IQCH: variants seen among roughly 807,000 people sequenced by gnomAD.
The protein encoded by IQCH is IQ motif containing H.
IQCH carries 98 observed loss-of-function variants against 117.0 expected under a neutral mutation model. The observed-to-expected ratio is 0.84, with a 90% CI of 0.71 to 0.99. The LOEUF is 0.99. Among genes scored for constraint, IQCH ranks in the 50% least tolerant of loss-of-function variants. The pLI is 0.00. For missense variants in IQCH, 1,102 were observed against 1,243.8 expected, an observed-to-expected ratio of 0.89 and a Z score of 1.72; for synonymous variants, 412 against 448.2, an observed-to-expected ratio of 0.92 and a Z score of 1.02.
intron 6 of IQCH, among the ~76,000 whole-genome samples, chr15:67,351,499 T>C (rs1969661825): frequency 6.6e-6 from 1 of 152,234 alleles, no homozygotes; most frequent in Non-Finnish European, 1.5e-5. Context: ...CTACTGAGTA[T>C]GCACAAGCGT....
chr15:67,309,660 T>C (rs1279350578), intron 4 of IQCH, among the ~76,000 whole-genome samples: 4 of 151,926 alleles, frequency 2.6e-5, no homozygotes, highest in Non-Finnish European at 5.9e-5. Flanking sequence ...TGGATTCCTG[T>C]TGCAGCCTTG....
intron 5 of IQCH, among the ~76,000 whole-genome samples, chr15:67,338,053 T>A (rs1968972499): frequency 6.6e-6 from 1 of 152,248 alleles, no homozygotes; most frequent in African/African-American, 2.4e-5. Flanking sequence ...ATATGCTTTC[T>A]AGTTAGCTTA....
chr15:67,324,311 A>G, intron 4 of IQCH, among the ~76,000 whole-genome samples: 1 of 151,888 alleles, frequency 6.6e-6, no homozygotes. Context: ...TCCAAAAAAA[A>G]AAAAAAAGTC....
chr15:67,276,904 T>G (rs1372346593), intron 3 of IQCH, among the ~76,000 whole-genome samples: 1 of 152,228 alleles, frequency 6.6e-6, no homozygotes, highest in Non-Finnish European at 1.5e-5. Flanking sequence ...CCATTATTAC[T>G]CAAATATTTC....
At chr15:67,308,823 A>G (rs1489487779) in intron 4 of IQCH, among the ~76,000 whole-genome samples, 1 of 152,048 alleles carries the variant, frequency 6.6e-6, no homozygotes, top group Non-Finnish European at 1.5e-5. Flanking sequence ...TGTCTCACTA[A>G]AGCCCATTGC....
At chr15:67,278,538 T>G (rs974936682) in intron 3 of IQCH, among the ~76,000 whole-genome samples, 1 of 152,250 alleles carries the variant, frequency 6.6e-6, no homozygotes, top group Non-Finnish European at 1.5e-5. Context: ...TCTCTCCAGT[T>G]TTCAGGACAG....
intron 10 of IQCH, among the ~76,000 whole-genome samples, chr15:67,383,143 T>A (rs1180257590): frequency 6.6e-6 from 1 of 152,186 alleles, no homozygotes; most frequent in African/African-American, 2.4e-5. Context: ...TTTGGAAACA[T>A]CCATACCTTG....
In IQCH at chr15:67,500,931, T is replaced by C. The variant is rs2083964510; in HGVS notation, c.*185T>C. Reference sequence around the variant, plus strand: ...TTATTAAGTGATCTTATTTTATTTATTAAACCAAAACTTATTTGTGTTTTC... The same window carrying C: ...TTATTAAGTGATCTTATTTTATTTACTAAACCAAAACTTATTTGTGTTTTC... On this transcript the variant is annotated 3_prime_UTR_variant, in exon 21 of 21. Transcript: ENST00000335894. This position sits in a 1 kb window ranked among gnomAD's most constrained non-coding sequence, Gnocchi z 4.4. The C allele has an allele frequency of 1.5e-5, 6 of 389,550 alleles. No homozygotes were observed. Among genetic ancestry groups the C allele is most frequent in the Non-Finnish European group, 2.4e-5 (5 of 212,514 alleles). The allele number at this position is 389,550 out of a possible 1,614,324, so 24.1% of individuals were successfully genotyped here.
Position 67,500,321 on chromosome 15 carries a change from CA to C in IQCH, c.2971-308del, listed in dbSNP as rs1255825599. Among the ~76,000 whole-genome samples the C allele has an allele frequency of 1.1e-4, 17 of 151,626 alleles. No individual in the cohort carries two copies. Among genetic ancestry groups the C allele is most frequent in the African/African-American group, 3.6e-4 (15 of 41,230 alleles). On this transcript the variant is annotated intron_variant, in intron 20 of 20. Coordinates refer to ENST00000335894, the MANE Select transcript of IQCH (RefSeq NM_001031715.3). The surrounding 1 kb of genome is among the most constrained non-coding windows in gnomAD (Gnocchi z 4.4). ...GACTATCATGGATCAACATTTTTAA[CA>C]AAATAGAAGAAAATTTAATTACTAG... is the stretch of plus-strand genomic sequence containing the variant.
rs142543277 is a variant in IQCH, at chr15:67,318,984, T to C, written c.388-17991T>C. 1.8e-3 allele frequency among the ~76,000 whole-genome samples: 274 copies of C among 152,332 alleles called. 1 individual carries two copies. The highest frequency in any genetic ancestry group is 5.2e-3 in the Admixed American group (79 of 15,300). On this transcript the variant is annotated intron_variant, in intron 4 of 20. Transcript: ENST00000335894. Reference sequence around the variant, plus strand: ...GCTCACGCCTGTAATCCCAGCACTTTGGGAGGCCGAGGCAGGCAGTATCAC... The same window carrying C: ...GCTCACGCCTGTAATCCCAGCACTTCGGGAGGCCGAGGCAGGCAGTATCAC...
chr15:67,417,891 A>G lies in IQCH; in HGVS notation c.2218+840A>G, dbSNP rs1181542810. 2.6e-5 allele frequency among the ~76,000 whole-genome samples: 4 copies of G among 152,226 alleles called. No homozygotes were observed. The highest frequency in any genetic ancestry group is 2.6e-4 in the Admixed American group (4 of 15,284). On this transcript the variant is annotated intron_variant, in intron 15 of 20. Transcript: ENST00000335894. The surrounding 1 kb of genome is among the most constrained non-coding windows in gnomAD (Gnocchi z 4.3). ...TCAAGTGATAATAATAATCTCAGCA[A>G]TAATCAATAATGATAAGATAATGTC... is the stretch of plus-strand genomic sequence containing the variant.
In IQCH at chr15:67,459,482, G is replaced by A. The variant is rs772732796; in HGVS notation, c.2506-5645G>A. On this transcript the variant is annotated intron_variant, in intron 16 of 20. Transcript: ENST00000335894. The surrounding 1 kb of genome is among the most constrained non-coding windows in gnomAD (Gnocchi z 4.2). ...TCATCCCGCCTGTCACCAGAAAGAG[G>A]CAGAAGCAGCAGGGGTGAGCAGGCA... Among the ~76,000 whole-genome samples, 1 of 152,196 alleles carries A rather than the reference G, an allele frequency of 6.6e-6. No individual in the cohort carries two copies. Among genetic ancestry groups the A allele is most frequent in the Non-Finnish European group, 1.5e-5 (1 of 68,034 alleles).
At position 67,490,198 on chromosome 15, in the gene IQCH, GGTATTTTATT is replaced by G; in HGVS notation, c.2861+135_2861+144del. The G allele has an allele frequency of 1.4e-6, 1 of 722,922 alleles. No homozygotes were observed. The highest frequency in any genetic ancestry group is 2.4e-6 in the Non-Finnish European group (1 of 421,840). 44.8% of individuals were successfully genotyped at this position (722,922 alleles called of 1,614,324 possible). On this transcript the variant is annotated intron_variant, in intron 19 of 20. Coordinates refer to ENST00000335894, the MANE Select transcript of IQCH (RefSeq NM_001031715.3). The surrounding 1 kb of genome is among the most constrained non-coding windows in gnomAD (Gnocchi z 4.9). ...AAGTCTATCTTTATTTAGATCTTCA[GGTATTTTATT>G]TTATTCTATTTTTTTGAGACGGAGC...
chr15:67,295,553 G>T (rs1966847427), intron 4 of IQCH, among the ~76,000 whole-genome samples: 1 of 152,138 alleles, frequency 6.6e-6, no homozygotes, highest in African/African-American at 2.4e-5. Flanking sequence ...CACATATTGG[G>T]ATAGAAGAGT....
Position 67,474,043 on chromosome 15 carries a change from T to C in IQCH, c.2677-1653T>C, listed in dbSNP as rs1002849184. ...CCCCATCATGTGTGAGGGGAGCATG[T>C]CACCAAAAGTGCCACGAAATCTGAG... On this transcript the variant is annotated intron_variant, in intron 17 of 20. Transcript: ENST00000335894. This position sits in a 1 kb window ranked among gnomAD's most constrained non-coding sequence, Gnocchi z 4.1. 1.3e-5 allele frequency among the ~76,000 whole-genome samples: 2 copies of C among 150,086 alleles called. No homozygotes were observed. Among genetic ancestry groups the C allele is most frequent in the Non-Finnish European group, 3.0e-5 (2 of 67,704 alleles).
chr15:67,302,966 ACATTCTGT>A (rs1967124333), intron 4 of IQCH, among the ~76,000 whole-genome samples: 1 of 152,230 alleles, frequency 6.6e-6, no homozygotes, highest in Admixed American at 6.5e-5. Flanking sequence ...TATCTAGCAT[ACATTCTGT>A]AGATATTTTT....
At chr15:67,313,684 G>A (rs968975510) in intron 4 of IQCH, among the ~76,000 whole-genome samples, 1 of 152,196 alleles carries the variant, frequency 6.6e-6, no homozygotes, top group East Asian at 1.9e-4. Context: ...TGGCTGTGGA[G>A]GCCAGTTGAT....
In IQCH at chr15:67,346,596, C is replaced by T. The variant is rs143918441; in HGVS notation, c.637+2405C>T. On this transcript the variant is annotated intron_variant, in intron 6 of 20. Coordinates refer to ENST00000335894, the MANE Select transcript of IQCH (RefSeq NM_001031715.3). ...TCAGATGGTAATGCTTGCTCACCTG[C>T]CACTTGCCTCCTGTTGTGTAGCTCA... Among the ~76,000 whole-genome samples the T allele has an allele frequency of 2.5e-4, 38 of 152,252 alleles. No individual in the cohort carries two copies. In the East Asian group the frequency reaches 5.6e-3, roughly 22 times the overall value.
intron 4 of IQCH, among the ~76,000 whole-genome samples, chr15:67,321,356 T>C (rs926078347): frequency 2.6e-5 from 4 of 152,198 alleles, no homozygotes; most frequent in Non-Finnish European, 5.9e-5. Flanking sequence ...CTGCTAGAAC[T>C]ACCCTTTTAT....
Sources: allele counts gnomAD v4.1 joint callset (sites outside exome capture counted in the v4.1 genomes callset), GRCh38; gene constraint gnomAD v4.1.1; non-coding constraint Gnocchi (gnomAD v3.1); transcripts MANE v1.5; gene names NCBI Gene and HGNC (gene_info 2026-07-23, HGNC 2026-07-21).